Variants in EPRS1 observed in about 807,000 individuals in gnomAD.
EPRS1 encodes glutamyl-prolyl-tRNA synthetase 1.
Under a neutral mutation model 188.3 loss-of-function variants are expected in EPRS1, and 107 were observed. That is an observed-to-expected ratio of 0.57 (90% CI 0.49 to 0.67). EPRS1 has a LOEUF of 0.67. Among genes scored for constraint, EPRS1 ranks in the 30% least tolerant of loss-of-function variants. EPRS1 has a pLI of 0.00. For missense variants in EPRS1, 1,577 were observed against 1,802.2 expected, an observed-to-expected ratio of 0.88 and a Z score of 2.26; for synonymous variants, 596 against 593.1, an observed-to-expected ratio of 1.00 and a Z score of -0.07.
At chr1:220,026,113 T>C (rs1423313119) in intron 6 of EPRS1, among the ~76,000 whole-genome samples, 1 of 152,176 alleles carries the variant, frequency 6.6e-6, no homozygotes, top group East Asian at 1.9e-4. Context: ...TTTTTAACTT[T>C]AATTTTTTAA....
At chr1:219,982,676 A>G in intron 23 of EPRS1, 96 bp downstream of exon 23, 1 of 895,646 alleles carries the variant, frequency 1.1e-6, no homozygotes, top group Non-Finnish European at 1.8e-6. Flanking sequence ...GTCAACAGAG[A>G]TTATAGCTAT....
At chr1:220,026,591 C>T (rs1265982371) in intron 6 of EPRS1, among the ~76,000 whole-genome samples, 3 of 151,536 alleles carry the variant, frequency 2.0e-5, no homozygotes, top group African/African-American at 2.4e-5. Flanking sequence ...AGTGCAGTGG[C>T]GTGATCTCAG....
chr1:220,025,060 TGAA>T (rs1195878347), intron 7 of EPRS1, 69 bp downstream of exon 7: 3 of 1,409,056 alleles, frequency 2.1e-6, no homozygotes, highest in Non-Finnish European at 3.0e-6. Flanking sequence ...TTTCATACCA[TGAA>T]GGTATTAGGT....
At chr1:220,025,304 C>A in intron 6 of EPRS1, 46 bp from the exon 7 acceptor site, 1 of 1,469,936 alleles carries the variant, frequency 6.8e-7, no homozygotes, top group Admixed American at 2.2e-5. Context: ...CATGTTTTAA[C>A]TAAATACTTA....
intron 12 of EPRS1, among the ~76,000 whole-genome samples, chr1:220,017,832 C>T (rs1392510047): frequency 1.3e-5 from 2 of 151,616 alleles, no homozygotes; most frequent in African/African-American, 4.8e-5. Context: ...GACAAAGGAA[C>T]TGTAATTAAT....
chr1:220,030,763 C>A (rs1662069310), intron 5 of EPRS1, among the ~76,000 whole-genome samples: 1 of 152,126 alleles, frequency 6.6e-6, no homozygotes, highest in African/African-American at 2.4e-5. Context: ...AAGAACCAAG[C>A]TGGACCTCGA....
At position 219,980,183 on chromosome 1, in the gene EPRS1, C is replaced by T. The variant is rs1558271624; in HGVS notation, c.3613G>A (p.Val1205Ile). Residue 1205 changes from valine (V) to isoleucine (I), a missense_variant, in exon 26 of 32, where the codon GTT (valine) becomes ATT (isoleucine). By Grantham distance (29) the Val-to-Ile change is conservative (BLOSUM62 3). This residue lies in a region of EPRS1 where 1,278 missense variants were observed against 1,457.4 expected (regional missense o/e 0.88). Coordinates refer to ENST00000366923, the MANE Select transcript of EPRS1 (RefSeq NM_004446.3). ...TTTTCCGTCTTTCTTCCTTTAACAA[C>T]AGGAATTGCCAGGAGTTCTTCATAT... ...QVYEELLAIP[V>I]VKGRKTEKEK... is the part of the protein sequence containing the mutation. 4 of 1,612,998 alleles carry T rather than the reference C, an allele frequency of 2.5e-6. No individual in the cohort carries two copies. The highest frequency in any genetic ancestry group is 3.4e-6 in the Non-Finnish European group (4 of 1,179,154).
rs114761429 is a variant in EPRS1, at chr1:220,005,521, A to C, written c.1951-161T>G. Among the ~76,000 whole-genome samples the C allele has an allele frequency of 3.4e-3, 524 of 152,374 alleles. 5 individuals are homozygous for C. The highest frequency in any genetic ancestry group is 0.012 in the African/African-American group (513 of 41,586). On this transcript the variant is annotated intron_variant, in intron 15 of 31. Transcript: ENST00000366923. ...CACACAATGAAACGGTGAAGTGTTAAATGACAATTCAATTTATCACATTTT... is the reference window on the plus strand; with the variant it reads ...CACACAATGAAACGGTGAAGTGTTACATGACAATTCAATTTATCACATTTT...
At chr1:219,991,161 C>A (rs1013610518) in intron 18 of EPRS1, among the ~76,000 whole-genome samples, 1 of 144,558 alleles carries the variant, frequency 6.9e-6, no homozygotes, top group African/African-American at 2.6e-5. Flanking sequence ...AGAATGAGTA[C>A]TCAAACAGCT....
intron 12 of EPRS1, among the ~76,000 whole-genome samples, chr1:220,017,720 GCAT>G (rs1661747911): frequency 6.6e-6 from 1 of 151,806 alleles, no homozygotes; most frequent in South Asian, 2.1e-4. Flanking sequence ...TAGTGTCCAA[GCAT>G]CTGCTTTCCA....
intron 28 of EPRS1, among the ~76,000 whole-genome samples, chr1:219,976,590 G>A (rs939684533): frequency 6.6e-6 from 1 of 152,116 alleles, no homozygotes; most frequent in Non-Finnish European, 1.5e-5. Flanking sequence ...ATTCAAGCAG[G>A]AAAATTTAAT....
At chr1:220,031,461 G>A (rs1225721442) in intron 5 of EPRS1, among the ~76,000 whole-genome samples, 1 of 151,562 alleles carries the variant, frequency 6.6e-6, no homozygotes, top group Non-Finnish European at 1.5e-5. Flanking sequence ...AAGATGGACA[G>A]AAAACAAATC....
In EPRS1 at chr1:219,987,193, C is replaced by T. The variant is rs747373838; in HGVS notation, c.2987G>A (p.Gly996Glu). 3 of 1,614,076 alleles carry T rather than the reference C, an allele frequency of 1.9e-6. No homozygotes were observed. Among genetic ancestry groups the T allele is most frequent in the Non-Finnish European group, 1.7e-6 (2 of 1,179,988 alleles). ...TTCTCCTGCTCCACTTGATGAGAGC[C>T]CACCTCCTTGGTTTTTAGAAGGGTC... Reference protein sequence around the residue: ...RKDPSKNQGGGLSSSGAGEGQ... With the variant: ...RKDPSKNQGGELSSSGAGEGQ... Residue 996 changes from glycine (G) to glutamate (E), a missense_variant, in exon 20 of 32, where the codon GGG becomes GAG. Gly to Glu is a moderately conservative substitution (Grantham distance 98). Coordinates refer to ENST00000366923, the MANE Select transcript of EPRS1 (RefSeq NM_004446.3).
intron 12 of EPRS1, chr1:220,018,144 C>CA (rs1442105096): frequency 7.4e-7 from 1 of 1,357,666 alleles, no homozygotes; most frequent in African/African-American, 1.5e-5. Flanking sequence ...AGAGAGCTCG[C>CA]AGCTTGAAAG....
At chr1:220,041,840 G>GA (rs999790642) in intron 1 of EPRS1, among the ~76,000 whole-genome samples, 4 of 151,082 alleles carry the variant, frequency 2.6e-5, no homozygotes. Flanking sequence ...AATTCTGTCT[G>GA]AAAAAAAAGA....
At chr1:220,035,883 C>T (rs1054306893) in intron 2 of EPRS1, among the ~76,000 whole-genome samples, 1 of 151,964 alleles carries the variant, frequency 6.6e-6, no homozygotes, top group Non-Finnish European at 1.5e-5. Context: ...AAAGAGGCTA[C>T]GAAGGCAGAT....
At position 219,968,611 on chromosome 1, in the gene EPRS1, T is replaced by C. The variant is rs991456935; in HGVS notation, c.*195A>G. On this transcript the variant is annotated 3_prime_UTR_variant, in exon 32 of 32. Transcript: ENST00000366923. ...ATACAAAAACCATATTAGTTCATGATATTTATTACTGGAGTTGTTTACAGA... is the reference window on the plus strand; with the variant it reads ...ATACAAAAACCATATTAGTTCATGACATTTATTACTGGAGTTGTTTACAGA... The C allele has an allele frequency of 9.0e-6, 5 of 554,912 alleles. No individual in the cohort carries two copies. In the Admixed American group the frequency reaches 9.3e-5, roughly 10 times the overall value. 34.4% of individuals were successfully genotyped at this position (554,912 alleles called of 1,614,324 possible). A position where few individuals can be genotyped will look rare whatever the true frequency, so the allele number is the denominator to read the frequency against.
At chr1:219,998,918 CAAAA>C (rs35145633) in intron 17 of EPRS1, among the ~76,000 whole-genome samples, 7 of 126,402 alleles carry the variant, frequency 5.5e-5, no homozygotes, top group East Asian at 2.4e-4. Context: ...AGTGTAACAC[CAAAA>C]AAAAAAAAAA....
chr1:220,014,186 G>A (rs1661657377), intron 12 of EPRS1, among the ~76,000 whole-genome samples: 1 of 152,012 alleles, frequency 6.6e-6, no homozygotes, highest in Non-Finnish European at 1.5e-5. Flanking sequence ...AAATTAGCTG[G>A]GCGTGGTGGC....
Sources: allele counts gnomAD v4.1 joint callset (sites outside exome capture counted in the v4.1 genomes callset), GRCh38; gene constraint gnomAD v4.1.1; regional missense constraint gnomAD v4.1.1; transcripts MANE v1.5; gene names NCBI Gene and HGNC (gene_info 2026-07-23, HGNC 2026-07-21).